Variants in TP63 observed in about 807,000 individuals in gnomAD.
TP63 encodes the protein tumor protein p63, also known as tumor protein 63.
In TP63, 17 loss-of-function variants were observed where a neutral mutation model predicts 82.8. The observed-to-expected ratio is 0.21, with a 90% confidence interval of 0.14 to 0.31. TP63 has a LOEUF of 0.31. TP63 is among the 10% of genes least tolerant of loss of function. The probability of loss-of-function intolerance (pLI) is 1.00; values close to 1 mark genes in which losing one functional copy is unlikely to be tolerated. For missense variants in TP63, 648 were observed against 895.3 expected (o/e 0.72, Z 3.52); for synonymous variants, 330 against 321.7 (o/e 1.03, Z -0.28).
intron 4 of TP63, among the ~76,000 whole-genome samples, chr3:189,846,995 T>A (rs1248007327): frequency 2.0e-5 from 3 of 152,116 alleles, no homozygotes; most frequent in Non-Finnish European, 4.4e-5. Context: ...ACATTCTTTA[T>A]TAAAGAGTCA....
At chr3:189,754,767 C>A (rs1028171097) in intron 3 of TP63, among the ~76,000 whole-genome samples, 1 of 152,154 alleles carries the variant, frequency 6.6e-6, no homozygotes, top group Non-Finnish European at 1.5e-5. Context: ...CTTCTCTTCT[C>A]TTCCTACGTT....
At chr3:189,868,053 C>T (rs1281800341) in intron 7 of TP63, 111 bp downstream of exon 7, 1 of 875,426 alleles carries the variant, frequency 1.1e-6, no homozygotes, top group African/African-American at 1.7e-5. Context: ...GAGAGCTTGT[C>T]CTTTGTGCTC....
intron 4 of TP63, among the ~76,000 whole-genome samples, chr3:189,852,203 T>C (rs1481828831): frequency 6.6e-6 from 1 of 152,212 alleles, no homozygotes; most frequent in African/African-American, 2.4e-5. Flanking sequence ...CTGTTTTCTG[T>C]TGCTTTTAGA....
chr3:189,890,103 G>C (rs974157185), intron 12 of TP63, among the ~76,000 whole-genome samples: 4 of 152,172 alleles, frequency 2.6e-5, no homozygotes, highest in African/African-American at 9.7e-5. Context: ...TTCTTGCCTA[G>C]TGTATATCTT....
chr3:189,878,691 G>A (rs1195909775), intron 10 of TP63, among the ~76,000 whole-genome samples: 2 of 150,178 alleles, frequency 1.3e-5, no homozygotes, highest in Admixed American at 6.6e-5. Context: ...GCCTCCCACA[G>A]TGCTGGGATT....
intron 4 of TP63, chr3:189,830,119 C>G (rs1712088479): frequency 5.5e-6 from 1 of 180,522 alleles, no homozygotes; most frequent in South Asian, 1.3e-4. Flanking sequence ...GGTGAGAGAG[C>G]ATTGGACTGT....
At chr3:189,776,921 T>G (rs143390277) in intron 3 of TP63, among the ~76,000 whole-genome samples, 156 of 152,328 alleles carry the variant, frequency 1.0e-3, no homozygotes, top group African/African-American at 3.6e-3. Flanking sequence ...TTAAATGTCC[T>G]TTCAATTCAC....
chr3:189,773,528 CT>C (rs1477090238), intron 3 of TP63, among the ~76,000 whole-genome samples: 2 of 152,168 alleles, frequency 1.3e-5, no homozygotes, highest in African/African-American at 4.8e-5. Flanking sequence ...AAATTGTTTC[CT>C]TTTAGCAGAC....
chr3:189,751,675 T>G (rs1721831741), intron 3 of TP63, among the ~76,000 whole-genome samples: 1 of 152,222 alleles, frequency 6.6e-6, no homozygotes, highest in Non-Finnish European at 1.5e-5. Flanking sequence ...TTGTTTGTTT[T>G]TTTCTTGTAA....
the TP63 span, among the ~76,000 whole-genome samples, chr3:189,625,107 A>G: frequency 1.4e-4 from 22 of 152,292 alleles, no homozygotes; most frequent in East Asian, 3.9e-4. Context: ...CAGATACAGT[A>G]TTTCACATTT....
intron 1 of TP63, among the ~76,000 whole-genome samples, chr3:189,691,338 C>CAAAAAAAAAAAAAAAAAAAA (rs781098833): frequency 3.3e-4 from 22 of 67,070 alleles, no homozygotes; most frequent in East Asian, 4.8e-4. Flanking sequence ...GACTCCATCT[C>CAAAAAAAAAAAAAAAAAAAA]AAAAAAAAAA....
intron 1 of TP63, among the ~76,000 whole-genome samples, chr3:189,708,064 T>C (rs1447764437): frequency 1.3e-5 from 2 of 152,232 alleles, no homozygotes; most frequent in African/African-American, 4.8e-5. Context: ...CTATGTTTTT[T>C]TCGTTCCTTC....
At chr3:189,678,050 T>C (rs899796131) in intron 1 of TP63, among the ~76,000 whole-genome samples, 3 of 152,106 alleles carry the variant, frequency 2.0e-5, no homozygotes, top group African/African-American at 7.2e-5. Context: ...CTGCAGATTG[T>C]CTGTTCACTC....
intron 11 of TP63, among the ~76,000 whole-genome samples, chr3:189,887,010 A>G (rs1435556542): frequency 1.3e-5 from 2 of 152,086 alleles, no homozygotes; most frequent in African/African-American, 4.8e-5. Flanking sequence ...GGAGTTCGAG[A>G]CCAACCTGGC....
intron 1 of TP63, among the ~76,000 whole-genome samples, chr3:189,716,098 A>C (rs1718938293): frequency 6.6e-6 from 1 of 152,230 alleles, no homozygotes; most frequent in African/African-American, 2.4e-5. Context: ...TGAGGCTTAG[A>C]AAGTTTAAGC....
At chr3:189,606,514 T>A in the TP63 span, among the ~76,000 whole-genome samples, 1 of 141,008 alleles carries the variant, frequency 7.1e-6, no homozygotes. Context: ...CATTTTTTTT[T>A]TTTTTTTTTT....
chr3:189,839,309 C>G (rs950500548), intron 4 of TP63, among the ~76,000 whole-genome samples: 1 of 152,050 alleles, frequency 6.6e-6, no homozygotes, highest in African/African-American at 2.4e-5. Context: ...TAATTCCTGC[C>G]GGAAGGACAG....
intron 1 of TP63, among the ~76,000 whole-genome samples, chr3:189,698,883 T>C (rs1025655802): frequency 8.5e-5 from 13 of 152,178 alleles, no homozygotes; most frequent in Non-Finnish European, 1.5e-4. Flanking sequence ...GAAATTACAG[T>C]GTATGACAGG....
At chr3:189,722,241 A>G (rs1017284989) in intron 1 of TP63, among the ~76,000 whole-genome samples, 5 of 152,222 alleles carry the variant, frequency 3.3e-5, no homozygotes, top group Non-Finnish European at 7.4e-5. Flanking sequence ...TCTAGACTGA[A>G]GTATATGTGG....
Sources: allele counts gnomAD v4.1 joint callset (sites outside exome capture counted in the v4.1 genomes callset), GRCh38; gene constraint gnomAD v4.1.1; transcripts MANE v1.5; gene names NCBI Gene and HGNC (gene_info 2026-07-23, HGNC 2026-07-21).